Variants in ZNF407 observed in about 807,000 individuals in gnomAD.
ZNF407 encodes the protein zinc finger protein 407.
Under a neutral mutation model 131.2 loss-of-function variants are expected in ZNF407, and 17 were observed. The ratio of observed to expected loss-of-function variants is 0.13; its 90% CI spans 0.09 to 0.19. The LOEUF (loss-of-function observed/expected upper bound fraction) is 0.19, where lower values mean the gene tolerates loss of function less well. ZNF407 is among the 10% of genes least tolerant of loss of function. The pLI is 1.00. For missense variants in ZNF407, 2,681 were observed against 2,830.6 expected, an observed-to-expected ratio of 0.95 and a Z score of 1.20; for synonymous variants, 1,156 against 1,062.0, an observed-to-expected ratio of 1.09 and a Z score of -1.72.
At chr18:74,810,205 C>T (rs1483358858) in intron 4 of ZNF407, among the ~76,000 whole-genome samples, 2 of 152,098 alleles carry the variant, frequency 1.3e-5, no homozygotes, top group African/African-American at 4.8e-5. Context: ...GAGGACCAAC[C>T]TTTTGGAGCT....
chr18:74,830,351 C>A (rs561998038), intron 4 of ZNF407, among the ~76,000 whole-genome samples: 1 of 152,146 alleles, frequency 6.6e-6, no homozygotes, highest in South Asian at 2.1e-4. Context: ...AGTGTGATCA[C>A]GGCTCGCTGC....
intron 8 of ZNF407, among the ~76,000 whole-genome samples, chr18:74,963,923 C>G (rs1033007958): frequency 2.6e-5 from 4 of 152,208 alleles, no homozygotes; most frequent in Non-Finnish European, 4.4e-5. Context: ...TTGAATTGCT[C>G]TTCAGAAAGA....
At chr18:74,959,443 C>A (rs1027964541) in intron 8 of ZNF407, among the ~76,000 whole-genome samples, 1 of 152,258 alleles carries the variant, frequency 6.6e-6, no homozygotes, top group East Asian at 1.9e-4. Flanking sequence ...GGACAATTTC[C>A]CCTTTTTAAC....
At chr18:74,857,529 C>T (rs566115908) in intron 4 of ZNF407, among the ~76,000 whole-genome samples, 10 of 151,976 alleles carry the variant, frequency 6.6e-5, no homozygotes, top group African/African-American at 2.4e-4. Flanking sequence ...AATTTTAAAT[C>T]TTTTGATTCT....
In ZNF407 at chr18:74,720,053, A is replaced by AT. The variant is rs796447841; in HGVS notation, c.4803-61365dup. On this transcript the variant is annotated intron_variant, in intron 3 of 8. Coordinates refer to ENST00000299687, the MANE Select transcript of ZNF407 (RefSeq NM_017757.3). ...TGCATCGCATGGTTGATCTATTTGT[A>AT]TTTTTTTTTTGAAGAAGAAGAAGTT... Among the ~76,000 whole-genome samples the AT allele has an allele frequency of 3.8e-3, 565 of 147,976 alleles. 6 individuals are homozygous for AT. Among genetic ancestry groups the AT allele is most frequent in the African/African-American group, 0.012 (480 of 40,286 alleles).
chr18:75,017,062 T>C (rs1048852507), intron 8 of ZNF407, among the ~76,000 whole-genome samples: 20 of 152,180 alleles, frequency 1.3e-4, no homozygotes, highest in Non-Finnish European at 2.6e-4. Context: ...CAGCCATTTT[T>C]TTCTTTCCAT....
At chr18:74,978,396 G>A (rs1972551901) in intron 8 of ZNF407, among the ~76,000 whole-genome samples, 1 of 152,044 alleles carries the variant, frequency 6.6e-6, no homozygotes, top group Admixed American at 6.6e-5. Context: ...ATTAGATATT[G>A]ATTTTGGAAG....
At chr18:74,683,600 T>C (rs914647871) in intron 3 of ZNF407, among the ~76,000 whole-genome samples, 2 of 152,232 alleles carry the variant, frequency 1.3e-5, no homozygotes, top group Non-Finnish European at 2.9e-5. Flanking sequence ...GCTGTTAGCT[T>C]TGTGTCCCTT....
intron 4 of ZNF407, among the ~76,000 whole-genome samples, chr18:74,833,026 C>A (rs1970506937): frequency 1.3e-5 from 2 of 152,198 alleles, no homozygotes; most frequent in Non-Finnish European, 2.9e-5. Flanking sequence ...ATCACGAACA[C>A]AAGCTTTCTA....
intron 3 of ZNF407, among the ~76,000 whole-genome samples, chr18:74,745,630 A>C (rs1968651755): frequency 6.6e-6 from 1 of 152,176 alleles, no homozygotes; most frequent in Non-Finnish European, 1.5e-5. Context: ...GTTTTATGTT[A>C]GTTGCTTTAA....
At position 74,963,152 on chromosome 18, in the gene ZNF407, CTTTTTTTTTTT is replaced by C. The variant is rs36225166; in HGVS notation, c.5428+42467_5428+42477del. Among the ~76,000 whole-genome samples the C allele has an allele frequency of 4.9e-3, 685 of 138,504 alleles. 7 individuals carry two copies. Among genetic ancestry groups the C allele is most frequent in the African/African-American group, 0.017 (642 of 38,494 alleles). 90.9% of individuals were successfully genotyped at this position (138,504 alleles called of 152,430 possible). A position where few individuals can be genotyped will look rare whatever the true frequency, so the allele number is the denominator to read the frequency against. On this transcript the variant is annotated intron_variant, in intron 8 of 8. Transcript: ENST00000299687. ...CATTTCCATTGACTAACCTTCATTCCTTTTTTTTTTTTTTTTTGTCCTGAATGGAACATTCC... is the reference window on the plus strand; with the variant it reads ...CATTTCCATTGACTAACCTTCATTCCTTTTTTGTCCTGAATGGAACATTCC...
At chr18:75,045,305 C>T (rs1312259872) in intron 8 of ZNF407, among the ~76,000 whole-genome samples, 1 of 152,072 alleles carries the variant, frequency 6.6e-6, no homozygotes, top group Non-Finnish European at 1.5e-5. Flanking sequence ...AAAATTCATG[C>T]TGATAACTGA....
intron 8 of ZNF407, among the ~76,000 whole-genome samples, chr18:74,999,115 G>A (rs1284371896): frequency 1.9e-5 from 1 of 52,972 alleles, no homozygotes; most frequent in African/African-American, 7.5e-5. Flanking sequence ...ACCAAACACC[G>A]CATATTCTCA....
intron 3 of ZNF407, among the ~76,000 whole-genome samples, chr18:74,772,137 A>G (rs1969375637): frequency 6.6e-6 from 1 of 152,146 alleles, no homozygotes. Flanking sequence ...AGTCAAAGTC[A>G]CTTATCTTGT....
intron 8 of ZNF407, among the ~76,000 whole-genome samples, chr18:75,011,399 G>A (rs1186086512): frequency 2.0e-5 from 3 of 152,040 alleles, no homozygotes. Flanking sequence ...TTTTTCATCT[G>A]AATAACTGTA....
intron 8 of ZNF407, among the ~76,000 whole-genome samples, chr18:74,947,641 A>G (rs1972168291): frequency 6.6e-6 from 1 of 152,152 alleles, no homozygotes; most frequent in Non-Finnish European, 1.5e-5. Context: ...GCATCACACT[A>G]GCGTCCCAGG....
chr18:74,692,363 G>A (rs192008968), intron 3 of ZNF407, among the ~76,000 whole-genome samples: 187 of 152,080 alleles, frequency 1.2e-3, no homozygotes, highest in African/African-American at 3.7e-3. Context: ...GTTTTTCTCC[G>A]TGTTATTGGT....
intron 8 of ZNF407, among the ~76,000 whole-genome samples, chr18:75,027,561 G>C (rs1394467145): frequency 6.6e-6 from 1 of 152,188 alleles, no homozygotes; most frequent in Admixed American, 6.5e-5. Context: ...ATGGAAGGTA[G>C]GGAGGGAGCA....
rs569340786 is a variant in ZNF407, at chr18:74,772,263, C to G, written c.4803-9165C>G. Among the ~76,000 whole-genome samples, 3 of 152,236 alleles carry G rather than the reference C, an allele frequency of 2.0e-5. No individual in the cohort carries two copies. The East Asian group carries it at 5.8e-4, about 29-fold the overall frequency. ...TAAAACTGTTGTATAAACTATACAT[C>G]TGTAACTATAAGCAATATATTATTT... On this transcript the variant is annotated intron_variant, in intron 3 of 8. Transcript: ENST00000299687.
Sources: gnomAD v4.1 joint callset for allele counts (sites outside exome capture counted in the v4.1 genomes callset) on GRCh38, gnomAD v4.1.1 for gene constraint, MANE v1.5 for transcripts, NCBI Gene and HGNC (gene_info 2026-07-23, HGNC 2026-07-21) for gene names.